The following CMYA5 variants were observed in gnomAD, a reference collection of about 807,000 sequenced individuals.
CMYA5 encodes cardiomyopathy-associated protein 5.
In CMYA5, 246 loss-of-function variants were observed where a neutral mutation model predicts 318.9. The observed-to-expected ratio is 0.77, with a 90% CI of 0.70 to 0.86. The LOEUF (loss-of-function observed/expected upper bound fraction) is 0.86, where lower values mean the gene tolerates loss of function less well. CMYA5 is among the 40% of genes least tolerant of loss of function. The pLI is 0.00. For missense variants in CMYA5, 4,589 were observed against 4,678.2 expected, an observed-to-expected ratio of 0.98 and a Z score of 0.56; for synonymous variants, 1,641 against 1,729.5, an observed-to-expected ratio of 0.95 and a Z score of 1.27.
intron 12 of CMYA5, among the ~76,000 whole-genome samples, chr5:79,799,054 G>T (rs141812535): frequency 7.6e-4 from 116 of 152,284 alleles, no homozygotes; most frequent in African/African-American, 2.6e-3. Context: ...CCATGAATGC[G>T]GTAGTTAAAA....
intron 4 of CMYA5, among the ~76,000 whole-genome samples, chr5:79,745,709 C>T (rs966553542): frequency 2.6e-5 from 4 of 152,180 alleles, no homozygotes; most frequent in East Asian, 1.9e-4. Context: ...TCATCCATTG[C>T]GTCCCACTGG....
In CMYA5 at chr5:79,736,605, G is replaced by A. The variant is rs767394815; in HGVS notation, c.7840G>A (p.Ala2614Thr). 6.2e-7 allele frequency: 1 copy of A among 1,613,814 alleles called. No homozygotes were observed. The highest frequency in any genetic ancestry group is 8.5e-7 in the Non-Finnish European group (1 of 1,179,802). The change falls in exon 2 of 13, where the codon GCA (alanine) becomes ACA (threonine). Residue 2614 changes from alanine to threonine, a missense_variant. Physicochemically the swap from Ala to Thr is moderately conservative, Grantham distance 58. This residue lies in a region of CMYA5 where 2,431 missense variants were observed against 2,495.1 expected (regional missense o/e 0.97). Coordinates refer to ENST00000446378, the MANE Select transcript of CMYA5 (RefSeq NM_153610.5). ...TCACCCAGAAATCAGAGAAGCAAAG[G>A]CAGTAGGAACCCAACCACATCCTTT... ...EAHPEIREAK[A>T]VGTQPHPLEE...
intron 1 of CMYA5, among the ~76,000 whole-genome samples, chr5:79,692,848 C>A (rs1471949945): frequency 6.6e-6 from 1 of 152,148 alleles, no homozygotes; most frequent in South Asian, 2.1e-4. Context: ...AATAATGATC[C>A]TATTTCACTT....
In CMYA5 at chr5:79,789,043, G is replaced by A. The variant is rs1829130972; in HGVS notation, c.11628G>A (p.Val3876=). 1 of 1,613,784 alleles carries A rather than the reference G, an allele frequency of 6.2e-7. No homozygotes were observed. The highest frequency in any genetic ancestry group is 8.5e-7 in the Non-Finnish European group (1 of 1,179,862). ...LQPNDNYFFY[V]RAINAFGTSE... ...CCAATGATAACTACTTTTTCTATGT[G>A]AGGGCCATCAATGCATTTGGGACAA... Residue 3876 remains valine, a synonymous_variant, in exon 10 of 13, where the codon GTG becomes GTA. Transcript: ENST00000446378.
intron 7 of CMYA5, among the ~76,000 whole-genome samples, chr5:79,761,564 T>A (rs192715608): frequency 1.6e-4 from 24 of 152,366 alleles, no homozygotes; most frequent in Middle Eastern, 6.8e-3. Flanking sequence ...AAGCTCAGAA[T>A]CTTACTAATA....
chr5:79,745,166 A>AAG, intron 3 of CMYA5, 56 bp from the exon 4 acceptor site: 1 of 1,198,366 alleles, frequency 8.3e-7, no homozygotes, highest in African/African-American at 1.6e-5. Context: ...AAAAAAAAAA[A>AAG]AAGCAGCATT....
In CMYA5 at chr5:79,799,648, A is replaced by G; in HGVS notation, c.*32A>G. The G allele has an allele frequency of 1.3e-6, 2 of 1,586,422 alleles. No individual in the cohort carries two copies. The highest frequency in any genetic ancestry group is 1.7e-6 in the Non-Finnish European group (2 of 1,162,512). ...GCTTTCAGAATTTGCAAGAACAGCG[A>G]TTTGAATTTTGGGGGGGTCTGCTGT... On this transcript the variant is annotated 3_prime_UTR_variant, in exon 13 of 13. Coordinates refer to ENST00000446378, the MANE Select transcript of CMYA5 (RefSeq NM_153610.5).
intron 1 of CMYA5, among the ~76,000 whole-genome samples, chr5:79,698,612 G>A (rs1827117710): frequency 6.6e-6 from 1 of 152,200 alleles, no homozygotes; most frequent in African/African-American, 2.4e-5. Flanking sequence ...AGGTTTTGGT[G>A]CAAATGACGC....
In CMYA5 at chr5:79,731,857, C is replaced by A; in HGVS notation, c.3092C>A (p.Ser1031Tyr). 1 of 1,613,542 alleles carries A rather than the reference C, an allele frequency of 6.2e-7. No individual in the cohort carries two copies. The highest frequency in any genetic ancestry group is 8.5e-7 in the Non-Finnish European group (1 of 1,179,768). Residue 1031 changes from serine to tyrosine, a missense_variant, in exon 2 of 13, where the codon TCT (serine) becomes TAT (tyrosine). Physicochemically the swap from Ser to Tyr is moderately radical, Grantham distance 144. Transcript: ENST00000446378. ...LEPDSLLTAV[S>Y]ASGYSCFSEA... ...CCTGATTCACTATTAACTGCAGTGT[C>A]TGCTTCAGGTTATTCCTGCTTTTCA...
chr5:79,787,659 C>A (rs983624140), intron 9 of CMYA5, among the ~76,000 whole-genome samples: 1 of 152,158 alleles, frequency 6.6e-6, no homozygotes, highest in Non-Finnish European at 1.5e-5. Flanking sequence ...TTTGCACTGA[C>A]CTTTTCCAGA....
chr5:79,691,811 T>A (rs1826975334), intron 1 of CMYA5, among the ~76,000 whole-genome samples: 1 of 152,086 alleles, frequency 6.6e-6, no homozygotes, highest in South Asian at 2.1e-4. Flanking sequence ...GCCAAGGTGG[T>A]TGGGGGACAG....
chr5:79,734,873 C>T lies in CMYA5; in HGVS notation c.6108C>T (p.Ser2036=), dbSNP rs769635064. 1 of 1,613,644 alleles carries T rather than the reference C, an allele frequency of 6.2e-7. No individual in the cohort carries two copies. Among genetic ancestry groups the T allele is most frequent in the South Asian group, 1.1e-5 (1 of 91,054 alleles). Residue 2036 remains serine, a synonymous_variant, in exon 2 of 13, where the codon AGC becomes AGT. Transcript: ENST00000446378. The part of the protein sequence containing the change: ...TELSWPSKED[S]QEKIKLPPER... ...TTTCCTGGCCTTCCAAAGAAGATAG[C>T]CAGGAAAAAATTAAACTACCTCCTG...
At chr5:79,793,739 AC>A in intron 12 of CMYA5, 129 bp downstream of exon 12, 1 of 804,488 alleles carries the variant, frequency 1.2e-6, no homozygotes, top group Non-Finnish European at 1.9e-6. Flanking sequence ...AAGAAAGAAA[AC>A]AAGAGTCAAG....
At chr5:79,776,970 C>T (rs1828950139) in intron 9 of CMYA5, among the ~76,000 whole-genome samples, 1 of 152,128 alleles carries the variant, frequency 6.6e-6, no homozygotes, top group Non-Finnish European at 1.5e-5. Flanking sequence ...CAACCACACC[C>T]TGTAATTGCC....
At chr5:79,706,699 T>C (rs58342814) in intron 1 of CMYA5, among the ~76,000 whole-genome samples, 3,227 of 152,310 alleles carry the variant, frequency 0.021, 117 homozygotes, top group African/African-American at 0.072. Flanking sequence ...CCTCCCTGAC[T>C]GCACGTCCAT....
chr5:79,768,812 C>T (rs1828802827), intron 9 of CMYA5, among the ~76,000 whole-genome samples: 1 of 152,040 alleles, frequency 6.6e-6, no homozygotes, highest in African/African-American at 2.4e-5. Flanking sequence ...GTGGTGGTCT[C>T]TGTGTTTCCT....
chr5:79,706,740 ACG>A (rs1311834805), intron 1 of CMYA5, among the ~76,000 whole-genome samples: 1 of 152,142 alleles, frequency 6.6e-6, no homozygotes, highest in Non-Finnish European at 1.5e-5. Flanking sequence ...GAAGCACATC[ACG>A]CGCTGTTGGC....
chr5:79,777,160 TTAAAAG>T (rs1388271485), intron 9 of CMYA5, among the ~76,000 whole-genome samples: 1 of 152,202 alleles, frequency 6.6e-6, no homozygotes, highest in Non-Finnish European at 1.5e-5. Context: ...AATATAGCTC[TTAAAAG>T]TAAAATATTT....
At chr5:79,759,793 C>T (rs1828610025) in intron 7 of CMYA5, among the ~76,000 whole-genome samples, 1 of 152,060 alleles carries the variant, frequency 6.6e-6, no homozygotes, top group Non-Finnish European at 1.5e-5. Context: ...ATATTTAAGT[C>T]TTTTGAAATG....
Sources: allele counts gnomAD v4.1 joint callset (sites outside exome capture counted in the v4.1 genomes callset), GRCh38; gene constraint gnomAD v4.1.1; regional missense constraint gnomAD v4.1.1; transcripts MANE v1.5; gene names NCBI Gene and HGNC (gene_info 2026-07-23, HGNC 2026-07-21).